The following DMXL1 variants were observed in gnomAD, a reference collection of about 807,000 sequenced individuals.
DMXL1 encodes Dmx like 1.
In DMXL1, 99 loss-of-function variants were observed where a neutral mutation model predicts 319.2. The observed-to-expected ratio is 0.31, with a 90% CI of 0.26 to 0.37. The LOEUF (loss-of-function observed/expected upper bound fraction) is 0.37. Among genes scored for constraint, DMXL1 ranks in the 10% least tolerant of loss-of-function variants. DMXL1 has a pLI of 1.00. For synonymous variants in DMXL1, 1,385 were observed against 1,235.2 expected, an observed-to-expected ratio of 1.12 and a Z score of -2.54; for missense variants, 3,745 against 3,595.6, an observed-to-expected ratio of 1.04 and a Z score of -1.06.
intron 31 of DMXL1, among the ~76,000 whole-genome samples, chr5:119,197,235 CTT>C (rs1779800489): frequency 6.6e-6 from 1 of 152,146 alleles, no homozygotes; most frequent in Non-Finnish European, 1.5e-5. Flanking sequence ...GGTGTCCAAT[CTT>C]TTGGCTTCCC....
At chr5:119,207,015 A>C (rs1011958905) in intron 34 of DMXL1, 119 bp downstream of exon 34, 2 of 569,008 alleles carry the variant, frequency 3.5e-6, no homozygotes, top group Non-Finnish European at 5.9e-6. Flanking sequence ...TTGTTCCCTC[A>C]AATTATTCTC....
intron 9 of DMXL1, chr5:119,127,198 C>A (rs146750007): frequency 2.8e-4 from 49 of 175,538 alleles, no homozygotes; most frequent in African/African-American, 1.1e-3. Flanking sequence ...GTGTTCCTAT[C>A]AAGATACTCC....
rs141745332 is a variant in DMXL1, at chr5:119,197,999, T to G, written c.7745+43T>G. On this transcript the variant is annotated intron_variant, in intron 32 of 43. Transcript: ENST00000539542. ...TGCTATTTGGGTTTTTTTGTTTGTT[T>G]GTTTTTTGAGATGGTGTCTCGCTCT... 1,651 of 1,594,540 alleles carry G rather than the reference T, an allele frequency of 1.0e-3. 13 individuals are homozygous for G. The African/African-American group carries it at 0.02, about 19-fold the overall frequency.
chr5:119,161,401 G>C (rs1252132089), intron 19 of DMXL1, among the ~76,000 whole-genome samples: 1 of 151,042 alleles, frequency 6.6e-6, no homozygotes, highest in Admixed American at 6.6e-5. Flanking sequence ...AGTTGGGCAG[G>C]GTTGCAGGCT....
intron 28 of DMXL1, among the ~76,000 whole-genome samples, chr5:119,185,909 G>A (rs1409725859): frequency 6.6e-6 from 1 of 151,928 alleles, no homozygotes; most frequent in East Asian, 1.9e-4. Context: ...AAGTTTACTT[G>A]GAAAATCATG....
chr5:119,103,515 A>G (rs1209376077), intron 3 of DMXL1, among the ~76,000 whole-genome samples: 1 of 152,214 alleles, frequency 6.6e-6, no homozygotes, highest in East Asian at 1.9e-4. Context: ...GAGTAAAACC[A>G]TCTGTATTGA....
At chr5:119,082,160 G>A (rs796960556) in intron 1 of DMXL1, among the ~76,000 whole-genome samples, 47 of 151,794 alleles carry the variant, frequency 3.1e-4, no homozygotes, top group African/African-American at 9.7e-4. Flanking sequence ...TTCCCAGGCT[G>A]CAGTGTAGTG....
intron 3 of DMXL1, among the ~76,000 whole-genome samples, chr5:119,103,955 A>C (rs1757806993): frequency 6.6e-6 from 1 of 152,208 alleles, no homozygotes; most frequent in Non-Finnish European, 1.5e-5. Context: ...GCTTATCAGC[A>C]CTGACTTTGC....
intron 42 of DMXL1, among the ~76,000 whole-genome samples, chr5:119,243,536 T>A (rs543984309): frequency 6.6e-6 from 1 of 152,130 alleles, no homozygotes; most frequent in African/African-American, 2.4e-5. Flanking sequence ...GCTGGACTCT[T>A]TTTTAAAGAA....
intron 1 of DMXL1, among the ~76,000 whole-genome samples, chr5:119,080,332 G>A (rs1386317000): frequency 6.6e-6 from 1 of 152,120 alleles, no homozygotes. Context: ...GGGCGACAGA[G>A]CAAGACTTCG....
chr5:119,175,440 A>C, intron 26 of DMXL1, 103 bp downstream of exon 26: 1 of 792,262 alleles, frequency 1.3e-6, no homozygotes, highest in Non-Finnish European at 1.9e-6. Flanking sequence ...TCTTTTAAAT[A>C]ATGCAAAAAG....
intron 7 of DMXL1, 67 bp downstream of exon 7, chr5:119,116,403 T>C: frequency 2.6e-6 from 4 of 1,526,874 alleles, no homozygotes; most frequent in Non-Finnish European, 3.6e-6. Flanking sequence ...TGATTGCTTC[T>C]CTCACTTTTG....
intron 30 of DMXL1, among the ~76,000 whole-genome samples, chr5:119,194,254 T>A (rs1222116875): frequency 6.6e-6 from 1 of 152,232 alleles, no homozygotes; most frequent in Non-Finnish European, 1.5e-5. Flanking sequence ...CCATCCGTAA[T>A]TTGCATCATT....
rs753850859 is a variant in DMXL1, at chr5:119,149,615, C to T, written c.3788C>T (p.Thr1263Ile). The T allele has an allele frequency of 5.6e-6, 9 of 1,613,900 alleles. No homozygotes were observed. In the South Asian group the frequency reaches 8.8e-5, roughly 16 times the overall value. ...DSYSGSTPSI[T>I]SLIKQSNSSS... is the part of the protein sequence containing the mutation. ...TACAGTGGGAGCACTCCATCTATAA[C>T]AAGTTTAATAAAACAGAGTAACTCC... The change falls in exon 18 of 44, where the codon ACA becomes ATA. Residue 1263 changes from threonine to isoleucine, a missense_variant. Physicochemically the swap from Thr to Ile is moderately conservative, Grantham distance 89. Around this residue, in one of 4 missense-constraint regions of DMXL1, gnomAD observed 2,096 missense variants for 1,985.4 expected, o/e 1.06. Coordinates refer to ENST00000539542, the MANE Select transcript of DMXL1 (RefSeq NM_001290321.3).
At chr5:119,174,485 A>G (rs564201281) in intron 25 of DMXL1, among the ~76,000 whole-genome samples, 1 of 152,362 alleles carries the variant, frequency 6.6e-6, no homozygotes, top group African/African-American at 2.4e-5. Context: ...ATTATATAAT[A>G]TCTTTTAATT....
intron 13 of DMXL1, among the ~76,000 whole-genome samples, chr5:119,136,756 G>T (rs1416531971): frequency 6.6e-6 from 1 of 152,264 alleles, no homozygotes; most frequent in Non-Finnish European, 1.5e-5. Context: ...ATGGTATTGG[G>T]CCTGTGGGTA....
chr5:119,181,742 G>A (rs1561815057), intron 28 of DMXL1, among the ~76,000 whole-genome samples: 3 of 152,268 alleles, frequency 2.0e-5, no homozygotes, highest in South Asian at 2.1e-4. Context: ...AACCTGGGAG[G>A]TGGAGGTTGC....
At chr5:119,127,929 T>C in intron 9 of DMXL1, 1 of 375,750 alleles carries the variant, frequency 2.7e-6, no homozygotes, top group South Asian at 2.3e-5. Flanking sequence ...CTTCATAAAC[T>C]TAGTATCAAA....
chr5:119,224,817 A>G (rs980473916), intron 38 of DMXL1, 48 bp downstream of exon 38: 5 of 819,998 alleles, frequency 6.1e-6, no homozygotes, highest in Middle Eastern at 2.5e-4. Context: ...TCTTAAATCT[A>G]TTTTTGGTAA....
Sources: gnomAD v4.1 joint callset for allele counts (sites outside exome capture counted in the v4.1 genomes callset) on GRCh38, gnomAD v4.1.1 for gene constraint, gnomAD v4.1.1 regional missense constraint, MANE v1.5 for transcripts, NCBI Gene and HGNC (gene_info 2026-07-23, HGNC 2026-07-21) for gene names.